The following TMEM165 variants were observed in gnomAD, a reference collection of about 807,000 sequenced individuals.
TMEM165 encodes putative divalent cation/proton antiporter TMEM165.
In TMEM165, 19 loss-of-function variants were observed where a neutral mutation model predicts 30.0. The ratio of observed to expected loss-of-function variants is 0.63; its 90% CI spans 0.44 to 0.93. The LOEUF (loss-of-function observed/expected upper bound fraction) is 0.93. TMEM165 is among the 40% of genes least tolerant of loss of function. The pLI is 0.00. For synonymous variants in TMEM165, 168 were observed against 162.9 expected (o/e 1.03, Z -0.24); for missense variants, 340 against 417.0 (o/e 0.82, Z 1.61).
At chr4:55,422,381 C>G (rs1490550889) in intron 4 of TMEM165, among the ~76,000 whole-genome samples, 10 of 152,032 alleles carry the variant, frequency 6.6e-5, no homozygotes, top group Non-Finnish European at 1.0e-4. Context: ...CCTCAGCCTC[C>G]CGAGTAGCTA....
chr4:55,397,959 T>C (rs1480404509), intron 1 of TMEM165, among the ~76,000 whole-genome samples: 1 of 152,100 alleles, frequency 6.6e-6, no homozygotes, highest in Non-Finnish European at 1.5e-5. Context: ...CCGAGTCTAG[T>C]CTCAAACTCC....
chr4:55,443,943 G>T (rs775897165), intron 3 of TMEM165: 4 of 1,548,404 alleles, frequency 2.6e-6, no homozygotes, highest in Non-Finnish European at 2.7e-6. Context: ...AGATTGAAAA[G>T]AAGAATGAGC....
intron 3 of TMEM165, chr4:55,433,406 T>C (rs890241434): frequency 6.6e-5 from 10 of 152,596 alleles, no homozygotes; most frequent in African/African-American, 2.4e-4. Flanking sequence ...TGTAGCCAGG[T>C]AGAATTTTCT....
At chr4:55,424,127 C>T (rs1043389377) in intron 4 of TMEM165, 1 of 158,700 alleles carries the variant, frequency 6.3e-6, no homozygotes, top group African/African-American at 2.4e-5. Context: ...CAGAGGCATA[C>T]TATTCTGTGA....
Position 55,396,289 on chromosome 4 carries a change from G to T in TMEM165, c.100G>T (p.Gly34Cys). 6.5e-7 allele frequency: 1 copy of T among 1,528,730 alleles called. No homozygotes were observed. The highest frequency in any genetic ancestry group is 8.7e-7 in the Non-Finnish European group (1 of 1,143,636). The allele number at this position is 1,528,730 out of a possible 1,614,324, so 94.7% of individuals were successfully genotyped here. Residue 34 changes from glycine (G) to cysteine (C), a missense_variant, in exon 1 of 6, where the codon GGC becomes TGC. Gly to Cys is a radical substitution (Grantham distance 159, BLOSUM62 -3). Transcript: ENST00000381334. ...GTGGGCCCCGGCTGCGGTCCGGGCC[G>T]GCCCAGATGAAGACCTTAGCCACCG... ...LLWAPAAVRA[G>C]PDEDLSHRNK...
intron 5 of TMEM165, 98 bp from the exon 6 acceptor site, chr4:55,425,278 G>T: frequency 1.1e-6 from 1 of 931,304 alleles, no homozygotes; most frequent in Non-Finnish European, 1.7e-6. Context: ...TAATAGATTG[G>T]AAGAATAATT....
chr4:55,414,379 A>G (rs1002581445), intron 2 of TMEM165, among the ~76,000 whole-genome samples: 1 of 152,132 alleles, frequency 6.6e-6, no homozygotes, highest in African/African-American at 2.4e-5. Context: ...CAACTGTTAA[A>G]TCATATGTGT....
intron 2 of TMEM165, among the ~76,000 whole-genome samples, chr4:55,413,902 A>G (rs981230723): frequency 5.3e-5 from 8 of 152,220 alleles, no homozygotes; most frequent in Admixed American, 4.6e-4. Context: ...AATATATATT[A>G]TGTATTGATA....
At chr4:55,432,687 C>CT in intron 3 of TMEM165, 1 of 151,834 alleles carries the variant, frequency 6.6e-6, no homozygotes, top group Non-Finnish European at 1.5e-5. Context: ...AACAAAGCAG[C>CT]AAAGAGGCAG....
chr4:55,396,409 G>C lies in TMEM165; in HGVS notation c.207+13G>C, dbSNP rs1379808334. On this transcript the variant is annotated intron_variant, in intron 1 of 5. Coordinates refer to ENST00000381334, the MANE Select transcript of TMEM165 (RefSeq NM_018475.5). Reference sequence around the variant, plus strand: ...GGCCCGGGTCGAGGTGAGCGGGCCGGGATGGGGCGAGCGAGGCTGCAGGGC... The same window carrying C: ...GGCCCGGGTCGAGGTGAGCGGGCCGCGATGGGGCGAGCGAGGCTGCAGGGC... 2 of 1,451,942 alleles carry C rather than the reference G, an allele frequency of 1.4e-6. No homozygotes were observed. The highest frequency in any genetic ancestry group is 3.0e-5 in the East Asian group (1 of 33,816). 89.9% of individuals were successfully genotyped at this position (1,451,942 alleles called of 1,614,324 possible).
At chr4:55,400,296 A>AATATTATATATAATATATAATATAATATT (rs1553884939) in intron 1 of TMEM165, among the ~76,000 whole-genome samples, 2 of 103,600 alleles carry the variant, frequency 1.9e-5, no homozygotes, top group African/African-American at 8.9e-5. Flanking sequence ...TATTATATAT[A>AATATTATATATAATATATAATATAATATT]ATATTATATA....
At chr4:55,403,972 G>C (rs1046449937) in intron 1 of TMEM165, among the ~76,000 whole-genome samples, 3 of 130,266 alleles carry the variant, frequency 2.3e-5, no homozygotes, top group Non-Finnish European at 5.1e-5. Context: ...AAAGAAAAAG[G>C]TCATTCATTT....
intron 3 of TMEM165, chr4:55,444,567 G>T: frequency 6.3e-7 from 1 of 1,596,528 alleles, no homozygotes; most frequent in South Asian, 1.1e-5. Context: ...ATTAAGAAAA[G>T]TTAATTTTCC....
intron 1 of TMEM165, among the ~76,000 whole-genome samples, chr4:55,410,586 AT>A (rs1173868314): frequency 2.6e-5 from 4 of 152,106 alleles, no homozygotes; most frequent in African/African-American, 9.7e-5. Flanking sequence ...CTTCTAAGAT[AT>A]TTTTAGACTT....
chr4:55,402,131 A>AAAAAAT (rs1553885130), intron 1 of TMEM165, among the ~76,000 whole-genome samples: 6 of 147,680 alleles, frequency 4.1e-5, no homozygotes, highest in Non-Finnish European at 5.9e-5. Flanking sequence ...AAAAAAAAAA[A>AAAAAAT]GAAACTAAAC....
intron 5 of TMEM165, 83 bp from the exon 6 acceptor site, chr4:55,425,293 G>A (rs781761475): frequency 2.4e-4 from 266 of 1,099,436 alleles, no homozygotes; most frequent in Non-Finnish European, 3.2e-4. Flanking sequence ...ATAATTGGCC[G>A]CCTCATCGGC....
intron 3 of TMEM165, chr4:55,432,385 A>AT (rs1019091182): frequency 3.3e-5 from 5 of 151,262 alleles, no homozygotes; most frequent in Non-Finnish European, 7.4e-5. Context: ...AGTAGCTAGC[A>AT]TTTTTCCTGA....
At chr4:55,413,908 T>G (rs1326513150) in intron 2 of TMEM165, among the ~76,000 whole-genome samples, 1 of 152,244 alleles carries the variant, frequency 6.6e-6, no homozygotes. Flanking sequence ...TATTATGTAT[T>G]GATACAGTAC....
chr4:55,398,005 G>A (rs1259752760), intron 1 of TMEM165, among the ~76,000 whole-genome samples: 1 of 152,152 alleles, frequency 6.6e-6, no homozygotes, highest in East Asian at 1.9e-4. Flanking sequence ...GGCCTCCCAA[G>A]TGCTGGTGAG....
Sources: gnomAD v4.1 joint callset for allele counts (sites outside exome capture counted in the v4.1 genomes callset) on GRCh38, gnomAD v4.1.1 for gene constraint, MANE v1.5 for transcripts, NCBI Gene and HGNC (gene_info 2026-07-23, HGNC 2026-07-21) for gene names.